Variants in NHS observed in about 807,000 individuals in gnomAD.
NHS encodes NHS actin remodeling regulator.
NHS carries 5 observed loss-of-function variants against 72.5 expected under a neutral mutation model. The ratio of observed to expected loss-of-function variants is 0.07; its 90% CI spans 0.04 to 0.14. The LOEUF is 0.14. Among genes scored for constraint, NHS ranks in the 10% least tolerant of loss-of-function variants. The probability of loss-of-function intolerance (pLI) is 1.00; values close to 1 mark genes in which losing one functional copy is unlikely to be tolerated. For missense variants in NHS, 1,072 were observed against 1,355.7 expected, an observed-to-expected ratio of 0.79 and a Z score of 3.29; for synonymous variants, 464 against 547.7, an observed-to-expected ratio of 0.85 and a Z score of 2.13.
chrX:17,662,584 A>G (rs1365878417), intron 1 of NHS, among the ~76,000 whole-genome samples: 2 of 111,458 alleles, frequency 1.8e-5, no homozygotes, highest in African/African-American at 6.5e-5. Context: ...GATACGGATG[A>G]CTCTGGGTTA....
At chrX:17,658,577 C>A (rs2065968235) in intron 1 of NHS, among the ~76,000 whole-genome samples, 1 of 112,083 alleles carries the variant, frequency 8.9e-6, no homozygotes, top group South Asian at 3.7e-4. Flanking sequence ...TCCATCATTC[C>A]TCTAGTCTTC....
intron 1 of NHS, among the ~76,000 whole-genome samples, chrX:17,432,493 C>T (rs1161569486): frequency 1.8e-5 from 2 of 112,574 alleles, no homozygotes; most frequent in Non-Finnish European, 3.8e-5. Flanking sequence ...GGGAGCAATC[C>T]ACTCTTCCTC....
chrX:17,712,052 T>C (rs998340767), intron 3 of NHS, among the ~76,000 whole-genome samples: 1 of 106,989 alleles, frequency 9.3e-6, no homozygotes, highest in African/African-American at 3.4e-5. Context: ...TACTGCCAAA[T>C]AGTCTCCAAA....
intron 1 of NHS, among the ~76,000 whole-genome samples, chrX:17,624,143 C>G (rs1445971460): frequency 1.8e-5 from 2 of 112,340 alleles, no homozygotes; most frequent in African/African-American, 6.5e-5. Context: ...TTAAGCAGGA[C>G]AGCTCCCCGC....
intron 1 of NHS, among the ~76,000 whole-genome samples, chrX:17,520,437 A>G (rs2065142738): frequency 8.9e-6 from 1 of 111,910 alleles, no homozygotes; most frequent in Non-Finnish European, 1.9e-5. Flanking sequence ...GATAGCATGG[A>G]TTGCTCACAT....
intron 1 of NHS, among the ~76,000 whole-genome samples, chrX:17,643,409 A>G (rs2065891360): frequency 9.0e-6 from 1 of 111,304 alleles, no homozygotes; most frequent in Admixed American, 9.6e-5. Context: ...GGAAAGTGGG[A>G]GCTCTCAATG....
At position 17,731,950 on chromosome X, in the gene NHS, C is replaced by T; in HGVS notation, c.4442C>T (p.Ala1481Val). 1 of 1,211,687 alleles carries T rather than the reference C, an allele frequency of 8.3e-7. No individual in the cohort carries two copies. Among genetic ancestry groups the T allele is most frequent in the East Asian group, 3.0e-5 (1 of 33,832 alleles). Residue 1481 changes from alanine to valine, a missense_variant, in exon 9 of 9, where the codon GCC becomes GTC. Coordinates refer to ENST00000676302, the MANE Select transcript of NHS (RefSeq NM_001291867.2). ...CCCCTCAGCAGTAGCAGCAGCAGCGCCAGTTCCATCACTTCACCCAGCAGT... is the reference window on the plus strand; with the variant it reads ...CCCCTCAGCAGTAGCAGCAGCAGCGTCAGTTCCATCACTTCACCCAGCAGT... The part of the protein sequence containing the change: ...RAPLSSSSSS[A>V]SSITSPSSNV...
chrX:17,617,432 T>G (rs145832457), intron 1 of NHS, among the ~76,000 whole-genome samples: 195 of 112,685 alleles, frequency 1.7e-3, no homozygotes, highest in African/African-American at 6.2e-3. Flanking sequence ...GAAAACATCT[T>G]TCTCAGCCAA....
At chrX:17,558,355 A>G (rs148278607) in intron 1 of NHS, among the ~76,000 whole-genome samples, 2,442 of 112,125 alleles carry the variant, frequency 0.022, 31 homozygotes, top group Non-Finnish European at 0.034. Context: ...TTTTCTCATT[A>G]CTAGATTTAG....
At chrX:17,498,330 G>T (rs771268937) in intron 1 of NHS, among the ~76,000 whole-genome samples, 1 of 111,172 alleles carries the variant, frequency 9.0e-6, no homozygotes, top group Admixed American at 9.6e-5. Context: ...GGGATGTGTC[G>T]AGAGATATCC....
chrX:17,567,039 T>C (rs1411864726), intron 1 of NHS, among the ~76,000 whole-genome samples: 1 of 112,393 alleles, frequency 8.9e-6, no homozygotes, highest in Admixed American at 9.4e-5. Context: ...AAATGGCCTT[T>C]TCCGTTATGA....
At chrX:17,629,278 T>C (rs1318105671) in intron 1 of NHS, among the ~76,000 whole-genome samples, 1 of 112,286 alleles carries the variant, frequency 8.9e-6, no homozygotes, top group Admixed American at 9.4e-5. Flanking sequence ...AGTATTGTGC[T>C]TCCTCCTGAG....
At chrX:17,687,142 C>A (rs1408141333) in intron 1 of NHS, 1 of 126,058 alleles carries the variant, frequency 7.9e-6, no homozygotes, top group East Asian at 2.1e-4. Context: ...ATGCTCACCC[C>A]TGGGTGAAAC....
At chrX:17,603,688 A>G (rs752213898) in intron 1 of NHS, among the ~76,000 whole-genome samples, 3 of 112,385 alleles carry the variant, frequency 2.7e-5, no homozygotes, top group African/African-American at 6.5e-5. Context: ...AGGTGTTTCT[A>G]TGACTTCACA....
chrX:17,382,105 C>G (rs907766232), intron 1 of NHS, among the ~76,000 whole-genome samples: 15 of 111,922 alleles, frequency 1.3e-4, no homozygotes, highest in Admixed American at 9.5e-4. Context: ...TTTTATTTCT[C>G]TTTTCTCTCT....
intron 1 of NHS, among the ~76,000 whole-genome samples, chrX:17,520,494 C>T (rs900949886): frequency 2.7e-5 from 3 of 111,587 alleles, no homozygotes; most frequent in Non-Finnish European, 5.6e-5. Context: ...ACATTTTACC[C>T]CTTTTAGGAA....
chrX:17,535,867 C>T (rs903327238), intron 1 of NHS, among the ~76,000 whole-genome samples: 2 of 111,020 alleles, frequency 1.8e-5, no homozygotes, highest in African/African-American at 3.3e-5. Flanking sequence ...CAGGTATGAG[C>T]CACTGCACCC....
intron 1 of NHS, among the ~76,000 whole-genome samples, chrX:17,563,030 T>C (rs1421484731): frequency 8.9e-6 from 1 of 112,329 alleles, no homozygotes; most frequent in Non-Finnish European, 1.9e-5. Context: ...CAGCTGCTTC[T>C]GTGCCATGGT....
chrX:17,572,299 C>T (rs1267300929), intron 1 of NHS, among the ~76,000 whole-genome samples: 1 of 110,031 alleles, frequency 9.1e-6, no homozygotes, highest in African/African-American at 3.3e-5. Flanking sequence ...GTGTGGGAGT[C>T]TAAGTCTCTT....
Sources: gnomAD v4.1 joint callset for allele counts (sites outside exome capture counted in the v4.1 genomes callset) on GRCh38, gnomAD v4.1.1 for gene constraint, MANE v1.5 for transcripts, NCBI Gene and HGNC (gene_info 2026-07-23, HGNC 2026-07-21) for gene names.